The following USP24 variants were observed in gnomAD, a reference collection of about 807,000 sequenced individuals.
The protein encoded by USP24 is ubiquitin specific peptidase 24, also known as ubiquitin carboxyl-terminal hydrolase 24.
A neutral mutation model predicts 361.6 loss-of-function variants in USP24; 97 were observed. The ratio of observed to expected loss-of-function variants is 0.27; its 90% CI spans 0.23 to 0.32. The LOEUF is 0.32. Among genes scored for constraint, USP24 ranks in the 10% least tolerant of loss-of-function variants. USP24 has a pLI of 1.00. For synonymous variants in USP24, 1,098 were observed against 1,124.6 expected, an observed-to-expected ratio of 0.98 and a Z score of 0.47; for missense variants, 2,353 against 3,165.6, an observed-to-expected ratio of 0.74 and a Z score of 6.16.
At chr1:55,073,454 T>C (rs1369798168) in intron 64 of USP24, among the ~76,000 whole-genome samples, 4 of 152,270 alleles carry the variant, frequency 2.6e-5, no homozygotes, top group African/African-American at 9.6e-5. Flanking sequence ...TGACATGATT[T>C]GAAAGGCTAT....
intron 56 of USP24, among the ~76,000 whole-genome samples, chr1:55,084,834 G>A (rs772690825): frequency 3.3e-5 from 5 of 152,154 alleles, no homozygotes; most frequent in Non-Finnish European, 7.3e-5. Flanking sequence ...TCTTTCTGCC[G>A]CCTGCTGTCC....
chr1:55,167,187 C>A (rs545034689), intron 5 of USP24, among the ~76,000 whole-genome samples: 3 of 152,198 alleles, frequency 2.0e-5, no homozygotes, highest in African/African-American at 7.2e-5. Context: ...TCAAATTGTG[C>A]TAAGTCCCAC....
At chr1:55,141,984 A>G (rs566260538) in intron 23 of USP24, among the ~76,000 whole-genome samples, 7 of 152,268 alleles carry the variant, frequency 4.6e-5, no homozygotes, top group Admixed American at 3.9e-4. Context: ...AGTGCCCTAT[A>G]TATGTTAACA....
At position 55,142,733 on chromosome 1, in the gene USP24, G is replaced by C; in HGVS notation, c.2634+9C>G. On this transcript the variant is annotated intron_variant, in intron 23 of 67. Transcript: ENST00000294383. ...CTCAAAGAGATGTTAAATAAAATTT[G>C]CTACTCACTTCTAATCTTGTGTAGC... 1.3e-6 allele frequency: 2 copies of C among 1,491,866 alleles called. No homozygotes were observed. Among genetic ancestry groups the C allele is most frequent in the Non-Finnish European group, 1.8e-6 (2 of 1,111,312 alleles). 92.4% of individuals were successfully genotyped at this position (1,491,866 alleles called of 1,614,324 possible).
chr1:55,071,647 C>T (rs1344617569), intron 67 of USP24, among the ~76,000 whole-genome samples, 167 bp downstream of exon 67: 6 of 152,218 alleles, frequency 3.9e-5, no homozygotes, highest in East Asian at 1.9e-4. Context: ...TGTAAACACA[C>T]GGTTAGTGCA....
chr1:55,161,172 G>A (rs1404182174), intron 8 of USP24, among the ~76,000 whole-genome samples: 1 of 152,024 alleles, frequency 6.6e-6, no homozygotes, highest in African/African-American at 2.4e-5. Context: ...AGGAGTTTGA[G>A]ACCAGCCTGG....
chr1:55,106,619 G>T (rs1645781144), intron 40 of USP24, among the ~76,000 whole-genome samples: 1 of 152,114 alleles, frequency 6.6e-6, no homozygotes, highest in African/African-American at 2.4e-5. Context: ...CCACATAAGG[G>T]TTTCTGAAAC....
intron 19 of USP24, 147 bp from the exon 20 acceptor site, chr1:55,146,256 GAAATT>G (rs1647026787): frequency 9.3e-6 from 5 of 536,704 alleles, no homozygotes; most frequent in Admixed American, 3.6e-5. Context: ...TTGGAATTCT[GAAATT>G]AAATGAAGCA....
chr1:55,208,238 C>T (rs1227840209), intron 1 of USP24, among the ~76,000 whole-genome samples: 1 of 152,182 alleles, frequency 6.6e-6, no homozygotes, highest in African/African-American at 2.4e-5. Context: ...CCAGGTTTCT[C>T]ACTAGCAGAC....
At chr1:55,184,325 G>A (rs1644065186) in intron 1 of USP24, among the ~76,000 whole-genome samples, 1 of 152,100 alleles carries the variant, frequency 6.6e-6, no homozygotes, top group East Asian at 1.9e-4. Flanking sequence ...CCAAAGTGCT[G>A]GAATTATAGG....
At position 55,198,183 on chromosome 1, in the gene USP24, T is replaced by A. The variant is rs541942416; in HGVS notation, c.324+16607A>T. On this transcript the variant is annotated intron_variant, in intron 1 of 67. Coordinates refer to ENST00000294383, the MANE Select transcript of USP24 (RefSeq NM_015306.3). ...TTTTTTTAAAGACAGGATCTCACTATGTTGCCCAGGCTGGTCTCAAATACC... is the reference window on the plus strand; with the variant it reads ...TTTTTTTAAAGACAGGATCTCACTAAGTTGCCCAGGCTGGTCTCAAATACC... Among the ~76,000 whole-genome samples the A allele has an allele frequency of 1.1e-4, 17 of 152,228 alleles. No homozygotes were observed. The East Asian group carries it at 3.3e-3, about 29-fold the overall frequency.
At position 55,081,311 on chromosome 1, in the gene USP24, G is replaced by A; in HGVS notation, c.7078+11C>T. The A allele has an allele frequency of 6.2e-7, 1 of 1,611,870 alleles. No individual in the cohort carries two copies. Among genetic ancestry groups the A allele is most frequent in the South Asian group, 1.1e-5 (1 of 90,988 alleles). On this transcript the variant is annotated intron_variant, in intron 59 of 67. Coordinates refer to ENST00000294383, the MANE Select transcript of USP24 (RefSeq NM_015306.3). ...TCAGTATCTCTTCATTCTAAGATAT[G>A]TTAAGCTTACCAACATTCCTTTGGG...
intron 55 of USP24, 57 bp downstream of exon 55, chr1:55,089,570 C>A: frequency 8.4e-7 from 1 of 1,189,476 alleles, no homozygotes. Context: ...GAAACTTCAG[C>A]TCTAAATCAC....
At chr1:55,182,407 C>T (rs1217329638) in intron 1 of USP24, among the ~76,000 whole-genome samples, 1 of 152,136 alleles carries the variant, frequency 6.6e-6, no homozygotes, top group Non-Finnish European at 1.5e-5. Context: ...AAATAAGTTT[C>T]TGTAGTTTAA....
At chr1:55,114,460 G>A (rs563850544) in intron 38 of USP24, among the ~76,000 whole-genome samples, 2 of 152,250 alleles carry the variant, frequency 1.3e-5, no homozygotes, top group East Asian at 3.9e-4. Flanking sequence ...AAAGAACAAA[G>A]CTGGAGGCAT....
chr1:55,154,622 G>A lies in USP24; in HGVS notation c.1554+49C>T, dbSNP rs748203792. On this transcript the variant is annotated intron_variant, in intron 13 of 67. Transcript: ENST00000294383. Reference sequence around the variant, plus strand: ...GAGGGGTATTCAGGACCTCAAAAGAGCTTATTTTAAGAAAATTTAAAAGTA... The same window carrying A: ...GAGGGGTATTCAGGACCTCAAAAGAACTTATTTTAAGAAAATTTAAAAGTA... 2.6e-6 allele frequency: 4 copies of A among 1,557,476 alleles called. No homozygotes were observed. In the South Asian group the frequency reaches 3.4e-5, roughly 13 times the overall value.
rs1305130757 is a variant in USP24 at position 55,134,082 on chromosome 1, A to G, written c.3369T>C (p.Ser1123=). The change falls in exon 30 of 68, where the codon TCT becomes TCC. Residue 1123 remains serine, a synonymous_variant. Coordinates refer to ENST00000294383, the MANE Select transcript of USP24 (RefSeq NM_015306.3). ...AAAATACTCATACCTTTCTTCCTAA[A>G]GAATCAAGTTGATCAAGGGCTTCCT... The part of the protein sequence containing the change: ...AIQEALDQLD[S]LGRKKTLLSE... 2 of 1,613,558 alleles carry G rather than the reference A, an allele frequency of 1.2e-6. No individual in the cohort carries two copies. Among genetic ancestry groups the G allele is most frequent in the African/African-American group, 1.3e-5 (1 of 74,932 alleles).
chr1:55,166,012 T>C, intron 6 of USP24, 62 bp from the exon 7 acceptor site: 1 of 1,497,706 alleles, frequency 6.7e-7, no homozygotes, highest in South Asian at 1.2e-5. Flanking sequence ...TTTTGAAAAA[T>C]TTCTATTGGT....
At chr1:55,210,587 C>T (rs1159747095) in intron 1 of USP24, among the ~76,000 whole-genome samples, 1 of 152,082 alleles carries the variant, frequency 6.6e-6, no homozygotes, top group Non-Finnish European at 1.5e-5. Flanking sequence ...TTTATAATTA[C>T]CACTTACTAC....
Sources: gnomAD v4.1 joint callset for allele counts (sites outside exome capture counted in the v4.1 genomes callset) on GRCh38, gnomAD v4.1.1 for gene constraint, MANE v1.5 for transcripts, NCBI Gene and HGNC (gene_info 2026-07-23, HGNC 2026-07-21) for gene names.